Variants in SNRPB2 observed in about 807,000 individuals in gnomAD.
The protein encoded by SNRPB2 is small nuclear ribonucleoprotein polypeptide B2.
Under a neutral mutation model 26.3 loss-of-function variants are expected in SNRPB2, and 16 were observed. The observed-to-expected ratio is 0.61, with a 90% CI of 0.41 to 0.92. The LOEUF (loss-of-function observed/expected upper bound fraction) is 0.92. Ranked by LOEUF, SNRPB2 falls within the 40% of genes least tolerant of loss-of-function variation. The pLI, the probability that SNRPB2 is intolerant of heterozygous loss-of-function variation, is 0.00. For missense variants in SNRPB2, 179 were observed against 268.1 expected (o/e 0.67, Z 2.32); for synonymous variants, 75 against 89.0 (o/e 0.84, Z 0.88).
chr20:16,741,595 A>G lies in SNRPB2; in HGVS notation c.*590A>G, dbSNP rs922132652. On this transcript the variant is annotated 3_prime_UTR_variant, in exon 7 of 7. Coordinates refer to ENST00000246071, the MANE Select transcript of SNRPB2 (RefSeq NM_003092.5). ...TGTTCTTACTGTTTACTGAGAAAAC[A>G]GAAAGGGAATGCTATCTTCACACTT... 2.0e-5 allele frequency: 3 copies of G among 152,230 alleles called. No individual in the cohort carries two copies. The highest frequency in any genetic ancestry group is 6.5e-5 in the Admixed American group (1 of 15,284). The allele number at this position is 152,230 out of a possible 1,614,324, so 9.4% of individuals were successfully genotyped here.
chr20:16,733,617 A>G (rs1406015201), intron 3 of SNRPB2, among the ~76,000 whole-genome samples: 1 of 152,228 alleles, frequency 6.6e-6, no homozygotes, highest in Non-Finnish European at 1.5e-5. Context: ...TACACTTTGC[A>G]AGCCAGATAA....
intron 2 of SNRPB2, 97 bp downstream of exon 2, chr20:16,731,863 T>A (rs1262190380): frequency 1.9e-6 from 3 of 1,542,662 alleles, no homozygotes; most frequent in Non-Finnish European, 2.6e-6. Context: ...CCTCATCATC[T>A]TAGTGCCTGA....
chr20:16,738,743 A>T (rs2072444334), intron 4 of SNRPB2, 109 bp from the exon 5 acceptor site: 1 of 701,646 alleles, frequency 1.4e-6, no homozygotes, highest in African/African-American at 1.8e-5. Flanking sequence ...AGTAAGAAGG[A>T]TATCTCTTGG....
intron 3 of SNRPB2, among the ~76,000 whole-genome samples, chr20:16,736,954 G>T (rs886779475): frequency 2.6e-5 from 4 of 152,144 alleles, no homozygotes; most frequent in Admixed American, 2.0e-4. Flanking sequence ...CTTCAATGCA[G>T]TTTTCTCTAT....
chr20:16,732,451 G>C (rs2072399274), intron 3 of SNRPB2, 115 bp downstream of exon 3: 1 of 625,988 alleles, frequency 1.6e-6, no homozygotes. Flanking sequence ...AATTATGTGT[G>C]TTTGGGTTTA....
At chr20:16,732,594 G>T (rs910016052) in intron 3 of SNRPB2, 3 of 267,502 alleles carry the variant, frequency 1.1e-5, no homozygotes, top group East Asian at 6.7e-5. Context: ...ATCTCAAAAA[G>T]TTAGAAATTA....
rs2072464863 is a variant in SNRPB2, at chr20:16,741,854, T to G, written c.*849T>G. On this transcript the variant is annotated 3_prime_UTR_variant, in exon 7 of 7. Coordinates refer to ENST00000246071, the MANE Select transcript of SNRPB2 (RefSeq NM_003092.5). ...CCCATTTTCTTTAGCTTTTGATTTATGTTTAAGGCTATTGATTCAGTCCTC... is the reference window on the plus strand; with the variant it reads ...CCCATTTTCTTTAGCTTTTGATTTAGGTTTAAGGCTATTGATTCAGTCCTC... The G allele has an allele frequency of 6.6e-6, 1 of 152,248 alleles. No individual in the cohort carries two copies. The highest frequency in any genetic ancestry group is 1.5e-5 in the Non-Finnish European group (1 of 68,032). 9.4% of individuals were successfully genotyped at this position (152,248 alleles called of 1,614,324 possible). A position where few individuals can be genotyped will look rare whatever the true frequency, so the allele number is the denominator to read the frequency against.
chr20:16,732,055 T>C, intron 2 of SNRPB2, 109 bp from the exon 3 acceptor site: 1 of 690,118 alleles, frequency 1.4e-6, no homozygotes, highest in South Asian at 2.0e-5. Context: ...AATATATAAC[T>C]GTATAAATAA....
intron 3 of SNRPB2, among the ~76,000 whole-genome samples, chr20:16,736,862 A>G (rs2072429316): frequency 6.6e-6 from 1 of 152,210 alleles, no homozygotes. Context: ...ATCTTGAGCC[A>G]GATCCTCAGG....
chr20:16,732,944 C>T (rs535412798), intron 3 of SNRPB2, among the ~76,000 whole-genome samples: 1 of 152,216 alleles, frequency 6.6e-6, no homozygotes, highest in East Asian at 1.9e-4. Flanking sequence ...TTAGGAGGCC[C>T]TTGATGTAAG....
intron 3 of SNRPB2, among the ~76,000 whole-genome samples, chr20:16,736,473 A>C (rs2072426773): frequency 6.6e-6 from 1 of 152,204 alleles, no homozygotes; most frequent in Non-Finnish European, 1.5e-5. Flanking sequence ...CACATTTATG[A>C]TGTTTAGAAT....
At chr20:16,737,789 C>G (rs574947620) in intron 4 of SNRPB2, among the ~76,000 whole-genome samples, 1 of 152,150 alleles carries the variant, frequency 6.6e-6, no homozygotes, top group South Asian at 2.1e-4. Flanking sequence ...GTAATTCCAG[C>G]ACTTTGGGAG....
rs2072466310 is a variant in SNRPB2 at position 16,742,069 on chromosome 20, T to TTA, written c.*1064_*1065insTA. ...CTACTTATGGAAAGACTTTTAGACT[T>TTA]ACGTAGACAGTATCACATCACTCTT... On this transcript the variant is annotated 3_prime_UTR_variant, in exon 7 of 7. Transcript: ENST00000246071. 6.6e-6 allele frequency: 1 copy of TTA among 152,094 alleles called. No homozygotes were observed. The highest frequency in any genetic ancestry group is 2.1e-4 in the South Asian group (1 of 4,832). The allele number at this position is 152,094 out of a possible 1,614,324, so 9.4% of individuals were successfully genotyped here.
chr20:16,732,540 T>C, intron 3 of SNRPB2: 1 of 379,984 alleles, frequency 2.6e-6, no homozygotes, highest in Admixed American at 4.5e-5. Context: ...TACATTGAGA[T>C]GTAGAATATT....
chr20:16,732,075 G>T (rs768803775), intron 2 of SNRPB2, 89 bp from the exon 3 acceptor site: 4 of 714,556 alleles, frequency 5.6e-6, no homozygotes, highest in Non-Finnish European at 9.2e-6. Context: ...AGTGAATGGT[G>T]GGGGGGGCAA....
At position 16,731,773 on chromosome 20, in the gene SNRPB2, G is replaced by A; in HGVS notation, c.64+7G>A. On this transcript the variant is annotated splice_region_variant and intron_variant, in intron 2 of 6. Coordinates refer to ENST00000246071, the MANE Select transcript of SNRPB2 (RefSeq NM_003092.5). ...GACAAAATTAAAAAGGAAGGTAAGT[G>A]CTTTTTAGAATACTTGTTCACTACT... 1 of 1,612,066 alleles carries A rather than the reference G, an allele frequency of 6.2e-7. No homozygotes were observed. Among genetic ancestry groups the A allele is most frequent in the Non-Finnish European group, 8.5e-7 (1 of 1,178,800 alleles).
intron 3 of SNRPB2, 152 bp downstream of exon 3, chr20:16,732,488 G>T: frequency 1.9e-6 from 1 of 520,848 alleles, no homozygotes; most frequent in African/African-American, 2.0e-5. Flanking sequence ...AACAGTAGTG[G>T]TAGAGTTTAA....
At chr20:16,731,608 T>TC (rs1360479269) in intron 1 of SNRPB2, 60 bp from the exon 2 acceptor site, 1 of 1,492,724 alleles carries the variant, frequency 6.7e-7, no homozygotes. Flanking sequence ...AGTTAATAAT[T>TC]CTTGTGTTGT....
In SNRPB2 at chr20:16,737,274, C is replaced by G; in HGVS notation, c.251C>G (p.Ala84Gly). ...TAATTAAAACAGCGAATACAGTATG[C>G]AAAAACAGATTCGGATATAATATCA... ...FYGKPMRIQY[A>G]KTDSDIISKM... Residue 84 changes from alanine (A) to glycine (G), a missense_variant, in exon 4 of 7, where the codon GCA (alanine) becomes GGA (glycine). Transcript: ENST00000246071. 6.3e-7 allele frequency: 1 copy of G among 1,588,290 alleles called. No homozygotes were observed. The highest frequency in any genetic ancestry group is 8.5e-7 in the Non-Finnish European group (1 of 1,171,548).
Sources: gnomAD v4.1 joint callset for allele counts (sites outside exome capture counted in the v4.1 genomes callset) on GRCh38, gnomAD v4.1.1 for gene constraint, MANE v1.5 for transcripts, NCBI Gene and HGNC (gene_info 2026-07-23, HGNC 2026-07-21) for gene names.